Variants in TBC1D14 observed in about 807,000 individuals in gnomAD.
The protein encoded by TBC1D14 is TBC1 domain family, member 14.
TBC1D14 carries 26 observed loss-of-function variants against 79.0 expected under a neutral mutation model. The ratio of observed to expected loss-of-function variants is 0.33; its 90% CI spans 0.24 to 0.46. The LOEUF (loss-of-function observed/expected upper bound fraction) is 0.46, where lower values mean the gene tolerates loss of function less well. Ranked by LOEUF, TBC1D14 falls within the 20% of genes least tolerant of loss-of-function variation. The pLI is 1.00. For missense variants in TBC1D14, 769 were observed against 887.6 expected (o/e 0.87, Z 1.70); for synonymous variants, 394 against 349.9 (o/e 1.13, Z -1.40).
At chr4:7,006,330 T>C (rs1336394884) in intron 8 of TBC1D14, among the ~76,000 whole-genome samples, 3 of 152,192 alleles carry the variant, frequency 2.0e-5, no homozygotes, top group Non-Finnish European at 4.4e-5. Context: ...ATTCTCCTAC[T>C]TGTCCTTGCT....
chr4:6,932,378 A>T (rs1187271837), intron 2 of TBC1D14, among the ~76,000 whole-genome samples: 2 of 29,270 alleles, frequency 6.8e-5, no homozygotes, highest in East Asian at 3.6e-3. Context: ...CTGGAAATTA[A>T]AAAAAAAAAA....
At chr4:6,999,907 G>C (rs555711563) in intron 6 of TBC1D14, among the ~76,000 whole-genome samples, 28 of 152,194 alleles carry the variant, frequency 1.8e-4, no homozygotes, top group Non-Finnish European at 1.9e-4. Flanking sequence ...GGGCAGCTGT[G>C]GGTCTTGTTT....
chr4:7,004,836 T>A lies in TBC1D14; in HGVS notation c.1271-8T>A. 6.2e-7 allele frequency: 1 copy of A among 1,614,152 alleles called. No homozygotes were observed. The highest frequency in any genetic ancestry group is 8.5e-7 in the Non-Finnish European group (1 of 1,179,986). ...CACGTAATACTTACCCAGAGGCTTT[T>A]CTTCCAGAGCTCTTTGACATCTGTC... On this transcript the variant is annotated splice_region_variant and splice_polypyrimidine_tract_variant and intron_variant, in intron 7 of 13. Coordinates refer to ENST00000409757, the MANE Select transcript of TBC1D14 (RefSeq NM_020773.3).
intron 7 of TBC1D14, among the ~76,000 whole-genome samples, chr4:7,002,057 C>G (rs1333192868): frequency 6.6e-6 from 1 of 152,152 alleles, no homozygotes; most frequent in Non-Finnish European, 1.5e-5. Flanking sequence ...TCTTCGCTCT[C>G]TAGTTGGGGT....
chr4:7,010,034 A>G (rs886816405), intron 10 of TBC1D14, 86 bp downstream of exon 10: 1 of 1,466,000 alleles, frequency 6.8e-7, no homozygotes, highest in Middle Eastern at 1.7e-4. Context: ...TGCAAATGTC[A>G]TGCCAGTGCC....
At position 6,982,488 on chromosome 4, in the gene TBC1D14, C is replaced by A. The variant is rs1343072567; in HGVS notation, c.844-11696C>A. Reference sequence around the variant, plus strand: ...ACACAAAGGAGGTTTTGAGAGTGATCCAACTGTTTTATATCTTGATTGTCA... The same window carrying A: ...ACACAAAGGAGGTTTTGAGAGTGATACAACTGTTTTATATCTTGATTGTCA... On this transcript the variant is annotated intron_variant, in intron 3 of 13. Coordinates refer to ENST00000409757, the MANE Select transcript of TBC1D14 (RefSeq NM_020773.3). Among the ~76,000 whole-genome samples the A allele has an allele frequency of 2.0e-5, 3 of 152,094 alleles. No homozygotes were observed. The South Asian group carries it at 6.2e-4, about 31-fold the overall frequency.
intron 2 of TBC1D14, among the ~76,000 whole-genome samples, chr4:6,962,786 T>C (rs140086431): frequency 6.6e-6 from 1 of 152,250 alleles, no homozygotes; most frequent in East Asian, 1.9e-4. Context: ...TTACCTCTGT[T>C]GAGTTCTCAG....
At chr4:6,927,744 G>C (rs1175238680) in intron 2 of TBC1D14, among the ~76,000 whole-genome samples, 1 of 152,170 alleles carries the variant, frequency 6.6e-6, no homozygotes, top group Non-Finnish European at 1.5e-5. Flanking sequence ...CCCAAGTTGT[G>C]AGAGCCAAAA....
chr4:6,929,910 G>A (rs1406483427), intron 2 of TBC1D14, among the ~76,000 whole-genome samples: 2 of 152,214 alleles, frequency 1.3e-5, no homozygotes, highest in Non-Finnish European at 2.9e-5. Context: ...GACTCAGAAA[G>A]GCTAACTGCA....
intron 13 of TBC1D14, among the ~76,000 whole-genome samples, chr4:7,028,738 C>G (rs1722733896): frequency 1.3e-5 from 2 of 151,496 alleles, no homozygotes; most frequent in Admixed American, 1.3e-4. Context: ...GCATCAGTAA[C>G]TTTTATACAG....
chr4:6,986,795 C>T (rs560326315), intron 3 of TBC1D14, among the ~76,000 whole-genome samples: 1 of 152,234 alleles, frequency 6.6e-6, no homozygotes, highest in East Asian at 1.9e-4. Context: ...CCCGGCAGCC[C>T]CGGGGCGCCT....
At chr4:7,027,619 T>G (rs1045799745) in intron 13 of TBC1D14, among the ~76,000 whole-genome samples, 2 of 90,560 alleles carry the variant, frequency 2.2e-5, no homozygotes, top group Non-Finnish European at 4.7e-5. Flanking sequence ...CACAGTCACA[T>G]CCACACACAA....
At chr4:6,960,971 G>A (rs1328316477) in intron 2 of TBC1D14, among the ~76,000 whole-genome samples, 1 of 152,204 alleles carries the variant, frequency 6.6e-6, no homozygotes, top group Non-Finnish European at 1.5e-5. Flanking sequence ...CCAGTTAAAT[G>A]TGTGAGCCGT....
chr4:6,960,263 T>C (rs975165453), intron 2 of TBC1D14, among the ~76,000 whole-genome samples: 3 of 150,398 alleles, frequency 2.0e-5, no homozygotes, highest in Non-Finnish European at 4.4e-5. Flanking sequence ...TTTTTTTTTT[T>C]GTATTTTTTG....
At position 6,998,969 on chromosome 4, in the gene TBC1D14, G is replaced by T. The variant is rs888381268; in HGVS notation, c.1046-116G>T. On this transcript the variant is annotated intron_variant, in intron 5 of 13. Coordinates refer to ENST00000409757, the MANE Select transcript of TBC1D14 (RefSeq NM_020773.3). ...GAAGTGAGCGCTGGAGCTGATGCTC[G>T]CTCTGCTTCAGGGCGGTTTTCCTGG... 11 of 872,310 alleles carry T rather than the reference G, an allele frequency of 1.3e-5. No homozygotes were observed. The South Asian group carries it at 1.6e-4, about 13-fold the overall frequency. The allele number at this position is 872,310 out of a possible 1,614,324, so 54.0% of individuals were successfully genotyped here. A position where few individuals can be genotyped will look rare whatever the true frequency, so the allele number is the denominator to read the frequency against.
chr4:6,924,560 G>T (rs1412701966), intron 2 of TBC1D14, among the ~76,000 whole-genome samples: 1 of 152,150 alleles, frequency 6.6e-6, no homozygotes. Flanking sequence ...CCGTGTCCCC[G>T]TGCCCCTGGA....
At chr4:7,017,251 G>C (rs1289829872) in intron 12 of TBC1D14, among the ~76,000 whole-genome samples, 1 of 151,706 alleles carries the variant, frequency 6.6e-6, no homozygotes, top group Admixed American at 6.6e-5. Flanking sequence ...AGTGAGCCGA[G>C]ATCACACCAC....
chr4:7,001,632 G>T (rs1325307091), intron 7 of TBC1D14, among the ~76,000 whole-genome samples: 2 of 152,220 alleles, frequency 1.3e-5, no homozygotes, highest in Non-Finnish European at 1.5e-5. Context: ...TTGGTATTTT[G>T]TGGGATTTTT....
chr4:7,020,025 G>A (rs527848220), intron 12 of TBC1D14, among the ~76,000 whole-genome samples: 1,553 of 148,010 alleles, frequency 0.01, 31 homozygotes, highest in Non-Finnish European at 0.015. Flanking sequence ...ACCCCGCTGG[G>A]CTCAGGTCGG....
Sources: allele counts gnomAD v4.1 joint callset (sites outside exome capture counted in the v4.1 genomes callset), GRCh38; gene constraint gnomAD v4.1.1; transcripts MANE v1.5; gene names NCBI Gene and HGNC (gene_info 2026-07-23, HGNC 2026-07-21).